The following NDUFA9 variants were observed in gnomAD, a reference collection of about 807,000 sequenced individuals.
NDUFA9 encodes the protein NADH:ubiquinone oxidoreductase subunit A9.
A neutral mutation model predicts 45.9 loss-of-function variants in NDUFA9; 23 were observed. The observed-to-expected ratio is 0.50, with a 90% CI of 0.36 to 0.71. The LOEUF is 0.71. Ranked by LOEUF, NDUFA9 falls within the 30% of genes least tolerant of loss-of-function variation. NDUFA9 has a pLI of 0.00. For synonymous variants in NDUFA9, 176 were observed against 170.5 expected (o/e 1.03, Z -0.25); for missense variants, 466 against 488.2 (o/e 0.95, Z 0.43).
chr12:4,653,242 A>G (rs1390371960), intron 1 of NDUFA9, among the ~76,000 whole-genome samples: 3 of 152,252 alleles, frequency 2.0e-5, no homozygotes, highest in Non-Finnish European at 2.9e-5. Flanking sequence ...CCTGGAGAAG[A>G]AAATATTTAG....
At chr12:4,660,381 AC>A (rs1945816639) in intron 5 of NDUFA9, among the ~76,000 whole-genome samples, 1 of 152,202 alleles carries the variant, frequency 6.6e-6, no homozygotes, top group Admixed American at 6.5e-5. Flanking sequence ...TTTTGGACTC[AC>A]GTTTCAGGTG....
intron 8 of NDUFA9, among the ~76,000 whole-genome samples, chr12:4,675,555 T>G (rs1010928752): frequency 1.3e-5 from 2 of 151,826 alleles, no homozygotes; most frequent in Non-Finnish European, 2.9e-5. Flanking sequence ...AACTAGAAAA[T>G]CTAGAAGAAA....
chr12:4,666,846 T>A (rs1400156077), intron 6 of NDUFA9, among the ~76,000 whole-genome samples: 1 of 152,230 alleles, frequency 6.6e-6, no homozygotes, highest in East Asian at 1.9e-4. Context: ...TTGTTTTGGC[T>A]ATTTAAAGGA....
At chr12:4,678,248 G>A (rs1383017418) in intron 8 of NDUFA9, among the ~76,000 whole-genome samples, 3 of 151,692 alleles carry the variant, frequency 2.0e-5, no homozygotes, top group African/African-American at 7.3e-5. Flanking sequence ...AAACCTGTAC[G>A]TTCTGCACAT....
At chr12:4,670,661 AT>A (rs1945881043) in intron 8 of NDUFA9, among the ~76,000 whole-genome samples, 1 of 152,176 alleles carries the variant, frequency 6.6e-6, no homozygotes, top group African/African-American at 2.4e-5. Flanking sequence ...TTAATACATA[AT>A]TTTTTTCAGT....
chr12:4,686,803 G>A (rs1192078407), intron 10 of NDUFA9, 135 bp from the exon 11 acceptor site: 6 of 811,736 alleles, frequency 7.4e-6, no homozygotes, highest in Non-Finnish European at 1.1e-5. Context: ...ATCGAAAATT[G>A]CCACATATTC....
intron 4 of NDUFA9, among the ~76,000 whole-genome samples, chr12:4,658,122 G>C (rs796385948): frequency 2.0e-5 from 3 of 152,298 alleles, no homozygotes; most frequent in African/African-American, 7.2e-5. Flanking sequence ...CCTATGGGAT[G>C]GGGTTAAGAA....
At chr12:4,679,035 A>G (rs1391412108) in intron 8 of NDUFA9, among the ~76,000 whole-genome samples, 2 of 152,220 alleles carry the variant, frequency 1.3e-5, no homozygotes, top group Admixed American at 1.3e-4. Flanking sequence ...TCATTAACTG[A>G]TGAAAGGAGA....
intron 5 of NDUFA9, among the ~76,000 whole-genome samples, chr12:4,660,602 G>C (rs936945045): frequency 6.6e-6 from 1 of 152,132 alleles, no homozygotes; most frequent in Admixed American, 6.5e-5. Flanking sequence ...TAATCTGGTA[G>C]AGAAGGAGGC....
At chr12:4,663,330 A>G (rs1328569650) in intron 6 of NDUFA9, among the ~76,000 whole-genome samples, 1 of 152,160 alleles carries the variant, frequency 6.6e-6, no homozygotes, top group East Asian at 1.9e-4. Context: ...TATACATAGT[A>G]TAAAATTTCC....
At chr12:4,686,789 A>C in intron 10 of NDUFA9, 149 bp from the exon 11 acceptor site, 1 of 724,440 alleles carries the variant, frequency 1.4e-6, no homozygotes, top group Non-Finnish European at 2.2e-6. Context: ...AGTGATTTGC[A>C]TGAATCGAAA....
At chr12:4,677,535 A>G (rs554884371) in intron 8 of NDUFA9, among the ~76,000 whole-genome samples, 1 of 152,244 alleles carries the variant, frequency 6.6e-6, no homozygotes, top group African/African-American at 2.4e-5. Flanking sequence ...CTCAACAAAC[A>G]TATGAAAAAA....
In NDUFA9 at chr12:4,655,126, T is replaced by C. The variant is rs975227560; in HGVS notation, c.318+204T>C. On this transcript the variant is annotated intron_variant, in intron 3 of 10. Coordinates refer to ENST00000266544, the MANE Select transcript of NDUFA9 (RefSeq NM_005002.5). ...ATTGGCAGTTGGCAAACTTTTTCTT[T>C]GAAGGGACAGAGAGTAAATACTTCT... 3.4e-5 allele frequency: 18 copies of C among 524,084 alleles called. No individual in the cohort carries two copies. In the African/African-American group the frequency reaches 3.5e-4, roughly 10 times the overall value. 32.5% of individuals were successfully genotyped at this position (524,084 alleles called of 1,614,324 possible). A position where few individuals can be genotyped will look rare whatever the true frequency, so the allele number is the denominator to read the frequency against.
rs863224088 is a variant in NDUFA9 at position 4,654,445 on chromosome 12, A to G, written c.203A>G (p.Tyr68Cys). The part of the protein sequence containing the change: ...VFGATGFLGR[Y>C]VVNHLGRMGS... ...GGAGCAACAGGATTCCTGGGGCGATATGTTGTCAACCACCTTGGTAAGTAA... is the reference window on the plus strand; with the variant it reads ...GGAGCAACAGGATTCCTGGGGCGATGTGTTGTCAACCACCTTGGTAAGTAA... The change falls in exon 2 of 11, where the codon TAT becomes TGT. Residue 68 changes from tyrosine (Y) to cysteine (C), a missense_variant. Coordinates refer to ENST00000266544, the MANE Select transcript of NDUFA9 (RefSeq NM_005002.5). 4 of 1,614,000 alleles carry G rather than the reference A, an allele frequency of 2.5e-6. No homozygotes were observed. Among genetic ancestry groups the G allele is most frequent in the Non-Finnish European group, 3.4e-6 (4 of 1,179,996 alleles).
At chr12:4,680,693 C>T (rs767340497) in intron 8 of NDUFA9, among the ~76,000 whole-genome samples, 2 of 152,106 alleles carry the variant, frequency 1.3e-5, no homozygotes, top group Non-Finnish European at 2.9e-5. Context: ...ATTTGAAGAA[C>T]CCTGCTAAGG....
intron 8 of NDUFA9, among the ~76,000 whole-genome samples, chr12:4,675,696 A>G (rs1328962435): frequency 6.6e-6 from 1 of 152,196 alleles, no homozygotes; most frequent in African/African-American, 2.4e-5. Flanking sequence ...AAAGTCCAGG[A>G]CCAGATGGAT....
chr12:4,682,045 A>G (rs1945955957), intron 8 of NDUFA9, among the ~76,000 whole-genome samples, 160 bp from the exon 9 acceptor site: 2 of 152,176 alleles, frequency 1.3e-5, no homozygotes, highest in South Asian at 4.1e-4. Context: ...TATATTAACT[A>G]TCTTTCATAA....
At chr12:4,676,251 C>A (rs1174995060) in intron 8 of NDUFA9, among the ~76,000 whole-genome samples, 1 of 152,214 alleles carries the variant, frequency 6.6e-6, no homozygotes, top group African/African-American at 2.4e-5. Flanking sequence ...TGCCCTCTGT[C>A]ACCACTCGTG....
At position 4,688,303 on chromosome 12, in the gene NDUFA9, A is replaced by C. The variant is rs1945999596; in HGVS notation, c.*1195A>C. 6.6e-6 allele frequency: 1 copy of C among 152,172 alleles called. No homozygotes were observed. Among genetic ancestry groups the C allele is most frequent in the Non-Finnish European group, 1.5e-5 (1 of 68,108 alleles). The allele number at this position is 152,172 out of a possible 1,614,324, so 9.4% of individuals were successfully genotyped here. On this transcript the variant is annotated 3_prime_UTR_variant, in exon 11 of 11. Coordinates refer to ENST00000266544, the MANE Select transcript of NDUFA9 (RefSeq NM_005002.5). ...TTGAGACCAGCCTAGGCAATATGGC[A>C]AGACCTTGTCTCTACAGAAAAATTT...
Sources: gnomAD v4.1 joint callset for allele counts (sites outside exome capture counted in the v4.1 genomes callset) on GRCh38, gnomAD v4.1.1 for gene constraint, MANE v1.5 for transcripts, NCBI Gene and HGNC (gene_info 2026-07-23, HGNC 2026-07-21) for gene names.